The following SNUPN variants were observed in gnomAD, a reference collection of about 807,000 sequenced individuals.
The protein encoded by SNUPN is snurportin 1, also known as snurportin-1.
SNUPN carries 31 observed loss-of-function variants against 39.2 expected under a neutral mutation model. The observed-to-expected ratio is 0.79, with a 90% CI of 0.59 to 1.07. SNUPN has a LOEUF of 1.07. Ranked by LOEUF, SNUPN falls within the 50% of genes least tolerant of loss-of-function variation. SNUPN has a pLI of 0.00. For missense variants in SNUPN, 382 were observed against 434.2 expected (o/e 0.88, Z 1.07); for synonymous variants, 132 against 159.0 (o/e 0.83, Z 1.28).
At chr15:75,622,595 A>G in intron 1 of SNUPN, 1 of 667,920 alleles carries the variant, frequency 1.5e-6, no homozygotes, top group Non-Finnish European at 1.9e-6. Flanking sequence ...TCTGACTTGC[A>G]CTGCTGGGCT....
intron 1 of SNUPN, chr15:75,622,380 T>C (rs1379047746): frequency 2.0e-6 from 2 of 985,262 alleles, no homozygotes; most frequent in African/African-American, 1.7e-5. Flanking sequence ...GCTTAACAAG[T>C]AACGTCAATG....
chr15:75,617,466 T>C lies in SNUPN; in HGVS notation c.245A>G (p.Asp82Gly). The change falls in exon 3 of 9, where the codon GAT (aspartate) becomes GGT (glycine). Residue 82 changes from aspartate to glycine, a missense_variant. By Grantham distance (94) the Asp-to-Gly change is moderately conservative (BLOSUM62 -1). Transcript: ENST00000308588. ...GMESEEENKK[D>G]DEEMDIDTVK... ...AGTGTCAATGTCCATTTCTTCATCA[T>C]CTTTCTTATTTTCTTCCTCACTCTC... 16 of 1,614,146 alleles carry C rather than the reference T, an allele frequency of 9.9e-6. No individual in the cohort carries two copies. The highest frequency in any genetic ancestry group is 1.3e-5 in the Non-Finnish European group (15 of 1,180,014).
intron 3 of SNUPN, among the ~76,000 whole-genome samples, chr15:75,615,594 ATTTTT>A (rs141302808): frequency 2.7e-5 from 2 of 73,974 alleles, no homozygotes; most frequent in African/African-American, 5.2e-5. Flanking sequence ...AAGGAATCTC[ATTTTT>A]TTTTTTTTTT....
At chr15:75,607,167 G>A (rs1462301926) in intron 6 of SNUPN, 49 bp downstream of exon 6, 3 of 1,352,396 alleles carry the variant, frequency 2.2e-6, no homozygotes, top group Non-Finnish European at 2.1e-6. Flanking sequence ...GCTTTCCCAG[G>A]AGGAGAGGAG....
intron 2 of SNUPN, 139 bp downstream of exon 2, chr15:75,620,755 T>A: frequency 2.6e-6 from 2 of 755,774 alleles, no homozygotes; most frequent in Non-Finnish European, 2.2e-6. Context: ...GATTTACCCC[T>A]CCCAACCTGT....
Position 75,620,991 on chromosome 15 carries a change from T to G in SNUPN, c.61A>C (p.Thr21Pro). 6.2e-7 allele frequency: 1 copy of G among 1,614,122 alleles called. No homozygotes were observed. The highest frequency in any genetic ancestry group is 8.5e-7 in the Non-Finnish European group (1 of 1,179,980). ...SFSVSQDLNS[T>P]AAPHPRLSQY... ...GATAGGCGGGGGTGTGGGGCAGCTG[T>G]GCTGTTCAGATCTTGAGACACAGAA... is the stretch of plus-strand genomic sequence containing the variant. The change falls in exon 2 of 9, where the codon ACA (threonine) becomes CCA (proline). Residue 21 changes from threonine to proline, a missense_variant. By Grantham distance (38) the Thr-to-Pro change is conservative. Transcript: ENST00000308588.
intron 3 of SNUPN, among the ~76,000 whole-genome samples, chr15:75,615,176 C>G (rs1174185489): frequency 6.6e-6 from 1 of 152,066 alleles, no homozygotes; most frequent in African/African-American, 2.4e-5. Flanking sequence ...TACAGACACC[C>G]ATCACACCTG....
intron 3 of SNUPN, 82 bp downstream of exon 3, chr15:75,617,326 G>A: frequency 7.0e-7 from 1 of 1,434,668 alleles, no homozygotes; most frequent in Non-Finnish European, 9.6e-7. Flanking sequence ...CTCTCTTTAT[G>A]ACAGCATTTA....
intron 2 of SNUPN, among the ~76,000 whole-genome samples, chr15:75,618,334 T>G (rs1035869486): frequency 1.3e-5 from 2 of 152,174 alleles, no homozygotes; most frequent in Non-Finnish European, 2.9e-5. Flanking sequence ...GAACTTTTTT[T>G]TTTACGGACC....
intron 6 of SNUPN, among the ~76,000 whole-genome samples, chr15:75,605,672 AT>A (rs753470187): frequency 1.3e-5 from 2 of 152,200 alleles, no homozygotes; most frequent in Non-Finnish European, 2.9e-5. Context: ...TGTTTACGTT[AT>A]AAAAATATAT....
chr15:75,604,247 G>A (rs899801013), intron 7 of SNUPN, among the ~76,000 whole-genome samples: 3 of 135,664 alleles, frequency 2.2e-5, no homozygotes, highest in African/African-American at 8.4e-5. Flanking sequence ...TGCAACCTCC[G>A]CCTCCCAGGT....
chr15:75,617,876 T>C (rs1015696333), intron 2 of SNUPN, among the ~76,000 whole-genome samples: 2 of 152,152 alleles, frequency 1.3e-5, no homozygotes, highest in Non-Finnish European at 2.9e-5. Flanking sequence ...AACCACCGCA[T>C]CTGGCCAGGG....
At chr15:75,617,235 A>G (rs1394372364) in intron 3 of SNUPN, among the ~76,000 whole-genome samples, 173 bp downstream of exon 3, 1 of 152,248 alleles carries the variant, frequency 6.6e-6, no homozygotes, top group East Asian at 1.9e-4. Context: ...ACAGTAAGCC[A>G]TCTCTACTTA....
intron 6 of SNUPN, among the ~76,000 whole-genome samples, chr15:75,605,591 C>T (rs1242650731): frequency 1.3e-5 from 2 of 152,064 alleles, no homozygotes; most frequent in Non-Finnish European, 1.5e-5. Context: ...TGAGCCACTG[C>T]GCCCACCGGG....
intron 2 of SNUPN, among the ~76,000 whole-genome samples, chr15:75,618,953 T>C (rs183170438): frequency 5.4e-4 from 77 of 141,316 alleles, no homozygotes; most frequent in Non-Finnish European, 1.0e-3. Context: ...TGAACTGATA[T>C]AGAATTTCTC....
At chr15:75,601,406 C>T (rs1419203229) in intron 7 of SNUPN, among the ~76,000 whole-genome samples, 188 bp from the exon 8 acceptor site, 1 of 151,958 alleles carries the variant, frequency 6.6e-6, no homozygotes. Flanking sequence ...GAAACCCCGT[C>T]TGTACTAAAA....
intron 6 of SNUPN, 71 bp from the exon 7 acceptor site, chr15:75,605,298 C>T: frequency 1.9e-6 from 2 of 1,065,200 alleles, no homozygotes; most frequent in Non-Finnish European, 2.8e-6. Context: ...CAAAAACACC[C>T]CATGCTATTT....
chr15:75,617,592 C>CT (rs749989241), intron 2 of SNUPN, 40 bp from the exon 3 acceptor site: 82,496 of 1,218,462 alleles, frequency 0.068, no homozygotes, highest in Non-Finnish European at 0.074. Flanking sequence ...ATCTTTTCTT[C>CT]TTTTTTTTTT....
intron 5 of SNUPN, among the ~76,000 whole-genome samples, chr15:75,607,623 C>T (rs1406965669): frequency 6.6e-6 from 1 of 152,224 alleles, no homozygotes; most frequent in East Asian, 1.9e-4. Context: ...AGCAAGTCAT[C>T]TTCCATTTTA....
Sources: gnomAD v4.1 joint callset for allele counts (sites outside exome capture counted in the v4.1 genomes callset) on GRCh38, gnomAD v4.1.1 for gene constraint, MANE v1.5 for transcripts, NCBI Gene and HGNC (gene_info 2026-07-23, HGNC 2026-07-21) for gene names.